B3GNT9: variants seen among roughly 807,000 people sequenced by gnomAD.
The protein encoded by B3GNT9 is UDP-GlcNAc:betaGal beta-1,3-N-acetylglucosaminyltransferase 9, also known as BGnT-9.
For synonymous variants in B3GNT9, 359 were observed against 283.9 expected (o/e 1.26, Z -2.66); for missense variants, 669 against 599.2 (o/e 1.12, Z -1.22).
chr16:67,149,433 G>A lies in B3GNT9; in HGVS notation c.1053C>T (p.Ser351=), dbSNP rs1003996201. 1.2e-6 allele frequency: 2 copies of A among 1,605,552 alleles called. No homozygotes were observed. Among genetic ancestry groups the A allele is most frequent in the Non-Finnish European group, 8.5e-7 (1 of 1,176,046 alleles). The change falls in exon 2 of 2, where the codon AGC becomes AGT. Residue 351 remains serine (S), a synonymous_variant. Coordinates refer to ENST00000449549, the MANE Select transcript of B3GNT9 (RefSeq NM_033309.3). ...IPQPSAAPHL[S]TFDPCFYREL... Reference sequence around the variant, plus strand: ...CACGGTAAAAGCAGGGGTCGAAGGTGCTCAAATGCGGCGCGGCTGAAGGCT... The same window carrying A: ...CACGGTAAAAGCAGGGGTCGAAGGTACTCAAATGCGGCGCGGCTGAAGGCT...
chr16:67,149,211 G>T lies in B3GNT9; in HGVS notation c.*66C>A. 6.7e-7 allele frequency: 1 copy of T among 1,493,762 alleles called. No individual in the cohort carries two copies. Among genetic ancestry groups the T allele is most frequent in the South Asian group, 1.4e-5 (1 of 71,230 alleles). The allele number at this position is 1,493,762 out of a possible 1,614,324, so 92.5% of individuals were successfully genotyped here. On this transcript the variant is annotated 3_prime_UTR_variant, in exon 2 of 2. Coordinates refer to ENST00000449549, the MANE Select transcript of B3GNT9 (RefSeq NM_033309.3). Reference sequence around the variant, plus strand: ...GTGATCAGGGAAGAACCACATACACGGCAATAATCTGGGAAACCGGCTCCA... The same window carrying T: ...GTGATCAGGGAAGAACCACATACACTGCAATAATCTGGGAAACCGGCTCCA...
Position 67,150,689 on chromosome 16 carries a change from T to C in B3GNT9, c.-186-18A>G. 2 of 409,520 alleles carry C rather than the reference T, an allele frequency of 4.9e-6. No individual in the cohort carries two copies. Among genetic ancestry groups the C allele is most frequent in the Middle Eastern group, 6.3e-4 (1 of 1,586 alleles). The allele number at this position is 409,520 out of a possible 1,614,324, so 25.4% of individuals were successfully genotyped here. On this transcript the variant is annotated intron_variant, in intron 1 of 1. Transcript: ENST00000449549. ...CCGGCAGCCTGAAGGGACAAGAAGT[T>C]CACCCATGTAGCCAACTCCCCCGCG...
Position 67,150,299 on chromosome 16 carries a change from C to T in B3GNT9, c.187G>A (p.Ala63Thr). Residue 63 changes from alanine to threonine, a missense_variant, in exon 2 of 2, where the codon GCA becomes ACA. Coordinates refer to ENST00000449549, the MANE Select transcript of B3GNT9 (RefSeq NM_033309.3). ...TCCCCTTCGTAGGCCGGCGGGGCTG[C>T]ACCCGCGTCGGGTAACTGGAACGCG... ...PRAFQLPDAG[A>T]APPAYEGDTP... The T allele has an allele frequency of 7.0e-7, 1 of 1,423,880 alleles. No homozygotes were observed. The highest frequency in any genetic ancestry group is 1.6e-5 in the South Asian group (1 of 62,334). The allele number at this position is 1,423,880 out of a possible 1,614,324, so 88.2% of individuals were successfully genotyped here. A position where few individuals can be genotyped will look rare whatever the true frequency, so the allele number is the denominator to read the frequency against.
At position 67,150,059 on chromosome 16, in the gene B3GNT9, C is replaced by T. The variant is rs368467078; in HGVS notation, c.427G>A (p.Gly143Ser). ...QAVRQTWGAE[G>S]RVQGALVRRV... Reference sequence around the variant, plus strand: ...CGCACCAGCGCCCCCTGCACGCGACCCTCCGCGCCCCACGTCTGGCGCACG... The same window carrying T: ...CGCACCAGCGCCCCCTGCACGCGACTCTCCGCGCCCCACGTCTGGCGCACG... The change falls in exon 2 of 2, where the codon GGT becomes AGT. Residue 143 changes from glycine (G) to serine (S), a missense_variant. By Grantham distance (56) the Gly-to-Ser change is moderately conservative (BLOSUM62 0). Coordinates refer to ENST00000449549, the MANE Select transcript of B3GNT9 (RefSeq NM_033309.3). 40 of 1,477,748 alleles carry T rather than the reference C, an allele frequency of 2.7e-5. No homozygotes were observed. The East Asian group carries it at 7.9e-4, about 29-fold the overall frequency. The allele number at this position is 1,477,748 out of a possible 1,614,324, so 91.5% of individuals were successfully genotyped here. A position where few individuals can be genotyped will look rare whatever the true frequency, so the allele number is the denominator to read the frequency against.
At position 67,149,390 on chromosome 16, in the gene B3GNT9, C is replaced by T. The variant is rs769037531; in HGVS notation, c.1096G>A (p.Gly366Arg). 2.5e-6 allele frequency: 4 copies of T among 1,602,662 alleles called. 1 individual carries two copies. In the Admixed American group the frequency reaches 5.2e-5, roughly 21 times the overall value. Residue 366 changes from glycine (G) to arginine (R), a missense_variant, in exon 2 of 2, where the codon GGG becomes AGG. Physicochemically the swap from Gly to Arg is moderately radical, Grantham distance 125. Transcript: ENST00000449549. ...AGCCAGATGTCAGCGGCCGAGAGCC[C>T]GTGCACTACAACCAGCTCACGGTAA... ...CFYRELVVVH[G>R]LSAADIWLMW...
In B3GNT9 at chr16:67,150,159, G is replaced by T. The variant is rs759711988; in HGVS notation, c.327C>A (p.Asp109Glu). ...GGTCCGGGCGGCCACCGGGTGCGCC[G>T]TCGCCGCGGCACTTGTGCGGCTGGT... The part of the protein sequence containing the change: ...LINQPHKCRG[D>E]GAPGGRPDLL... Residue 109 changes from aspartate to glutamate, a missense_variant, in exon 2 of 2, where the codon GAC becomes GAA. By Grantham distance (45) the Asp-to-Glu change is conservative. Transcript: ENST00000449549. The T allele has an allele frequency of 6.5e-7, 1 of 1,540,962 alleles. No homozygotes were observed. The highest frequency in any genetic ancestry group is 2.6e-5 in the East Asian group (1 of 38,388).
chr16:67,150,650 TCG>T lies in B3GNT9; in HGVS notation c.-167_-166del. The T allele has an allele frequency of 2.0e-6, 1 of 503,890 alleles. No homozygotes were observed. The highest frequency in any genetic ancestry group is 5.6e-4 in the Middle Eastern group (1 of 1,798). The allele number at this position is 503,890 out of a possible 1,614,324, so 31.2% of individuals were successfully genotyped here. ...CGTTGTTCTCCTCCTCCCGGCCGTGTCGCACCGCCGGGACCGGCAGCCTGAAG... is the reference window on the plus strand; with the variant it reads ...CGTTGTTCTCCTCCTCCCGGCCGTGTCACCGCCGGGACCGGCAGCCTGAAG... On this transcript the variant is annotated 5_prime_UTR_variant, in exon 2 of 2. Transcript: ENST00000449549.
chr16:67,150,118 T>C lies in B3GNT9; in HGVS notation c.368A>G (p.Lys123Arg). ...GGRPDLLIAV[K>R]SVAEDFERRQ... The stretch of plus-strand genomic sequence containing the variant: ...CCGCTCGAAGTCCTCTGCCACCGAC[T>C]TGACAGCAATAAGCAGGTCCGGGCG... Residue 123 changes from lysine to arginine, a missense_variant, in exon 2 of 2, where the codon AAG (lysine) becomes AGG (arginine). By Grantham distance (26) the Lys-to-Arg change is conservative. Coordinates refer to ENST00000449549, the MANE Select transcript of B3GNT9 (RefSeq NM_033309.3). The C allele has an allele frequency of 2.0e-6, 3 of 1,493,208 alleles. No homozygotes were observed. The highest frequency in any genetic ancestry group is 2.7e-6 in the Non-Finnish European group (3 of 1,123,398). The allele number at this position is 1,493,208 out of a possible 1,614,324, so 92.5% of individuals were successfully genotyped here. A position where few individuals can be genotyped will look rare whatever the true frequency, so the allele number is the denominator to read the frequency against.
Position 67,149,460 on chromosome 16 carries a change from G to T in B3GNT9, c.1026C>A (p.Pro342=). The T allele has an allele frequency of 6.2e-7, 1 of 1,608,014 alleles. No individual in the cohort carries two copies. The highest frequency in any genetic ancestry group is 8.5e-7 in the Non-Finnish European group (1 of 1,177,224). ...TCAAATGCGGCGCGGCTGAAGGCTG[G>T]GGGATGCCAAAGGTGCGGAAGGCAG... The part of the protein sequence containing the change: ...PHPAFRTFGI[P]QPSAAPHLST... The change falls in exon 2 of 2, where the codon CCC becomes CCA. Residue 342 remains proline (P), a synonymous_variant. Coordinates refer to ENST00000449549, the MANE Select transcript of B3GNT9 (RefSeq NM_033309.3).
chr16:67,149,730 C>T lies in B3GNT9; in HGVS notation c.756G>A (p.Leu252=). ...FLAPRDPAQD[L]LAGDVIVHAR... ...CATGCACAATTACGTCACCAGCAAGCAGGTCTTGCGCCGGGTCCCGCGGCG... is the reference window on the plus strand; with the variant it reads ...CATGCACAATTACGTCACCAGCAAGTAGGTCTTGCGCCGGGTCCCGCGGCG... Residue 252 remains leucine (L), a synonymous_variant, in exon 2 of 2, where the codon CTG becomes CTA. Transcript: ENST00000449549. 1 of 1,613,664 alleles carries T rather than the reference C, an allele frequency of 6.2e-7. No homozygotes were observed. Among genetic ancestry groups the T allele is most frequent in the Non-Finnish European group, 8.5e-7 (1 of 1,179,810 alleles).
chr16:67,148,169 G>GT lies in B3GNT9; in HGVS notation c.*1107dup, dbSNP rs1318843615. 2 of 152,664 alleles carry GT rather than the reference G, an allele frequency of 1.3e-5. No homozygotes were observed. The highest frequency in any genetic ancestry group is 4.8e-5 in the African/African-American group (2 of 41,446). 9.5% of individuals were successfully genotyped at this position (152,664 alleles called of 1,614,324 possible). The stretch of plus-strand genomic sequence containing the variant: ...TGATACATAGATGACAATTTTGTGA[G>GT]TTTTTCAAATGTGTGTACAGATTTT... On this transcript the variant is annotated 3_prime_UTR_variant, in exon 2 of 2. Transcript: ENST00000449549.
rs749602758 is a variant in B3GNT9 at position 67,149,488 on chromosome 16, T to C, written c.998A>G (p.His333Arg). 1 of 1,608,526 alleles carries C rather than the reference T, an allele frequency of 6.2e-7. No individual in the cohort carries two copies. The highest frequency in any genetic ancestry group is 2.2e-5 in the East Asian group (1 of 44,588). The change falls in exon 2 of 2, where the codon CAC becomes CGC. Residue 333 changes from histidine (H) to arginine (R), a missense_variant. Physicochemically the swap from His to Arg is conservative, Grantham distance 29. Transcript: ENST00000449549. ...LQRLRLTPEP[H>R]PAFRTFGIPQ... ...GATGCCAAAGGTGCGGAAGGCAGGG[T>C]GAGGCTCGGGCGTGAGCCGCAGGCG...
rs775137864 is a variant in B3GNT9, at chr16:67,149,838, T to C, written c.648A>G (p.Ser216=). ...LKEIHFLAWA[S]AFCPDVRFVF... is the part of the protein sequence containing the mutation. ...CGAAGCGCACGTCGGGGCAGAAAGC[T>C]GAGGCCCAGGCTAGAAAGTGGATCT... Residue 216 remains serine, a synonymous_variant, in exon 2 of 2, where the codon TCA becomes TCG. Transcript: ENST00000449549. 2 of 1,613,624 alleles carry C rather than the reference T, an allele frequency of 1.2e-6. No individual in the cohort carries two copies. Among genetic ancestry groups the C allele is most frequent in the African/African-American group, 2.7e-5 (2 of 74,924 alleles).
rs757244350 is a variant in B3GNT9 at position 67,149,670 on chromosome 16, G to T, written c.816C>A (p.Tyr272Ter). ...GCAGGCCGTACACGGCCTCGGGGAT[G>T]TAGTACTTGCTAGCCCGCGTGCGGA... Reference protein sequence around the residue: ...RPIRTRASKYYIPEAVYGLPA... With the variant: ...RPIRTRASKY The change falls in exon 2 of 2, where the codon TAC (tyrosine) becomes TAA (stop). Residue 272 changes from tyrosine (Y) to a stop codon, truncating the protein, a stop_gained. Transcript: ENST00000449549. LOFTEE classifies it low-confidence loss of function (END_TRUNC). 6.2e-7 allele frequency: 1 copy of T among 1,608,576 alleles called. No homozygotes were observed. Among genetic ancestry groups the T allele is most frequent in the Non-Finnish European group, 8.5e-7 (1 of 1,177,554 alleles).
rs2030438148 is a variant in B3GNT9, at chr16:67,150,487, T to G, written c.-2A>C. On this transcript the variant is annotated 5_prime_UTR_variant, in exon 2 of 2. Coordinates refer to ENST00000449549, the MANE Select transcript of B3GNT9 (RefSeq NM_033309.3). ...GCGTAGGCGCAGCCTCCTCCTCATC[T>G]CCGCGCGGCCTGCGCCCTCCCTCCC... 1 of 1,302,770 alleles carries G rather than the reference T, an allele frequency of 7.7e-7. No homozygotes were observed. Among genetic ancestry groups the G allele is most frequent in the South Asian group, 2.5e-5 (1 of 40,096 alleles). The allele number at this position is 1,302,770 out of a possible 1,614,324, so 80.7% of individuals were successfully genotyped here. A position where few individuals can be genotyped will look rare whatever the true frequency, so the allele number is the denominator to read the frequency against.
chr16:67,150,002 C>T lies in B3GNT9; in HGVS notation c.484G>A (p.Ala162Thr), dbSNP rs559466848. 1.3e-6 allele frequency: 2 copies of T among 1,529,156 alleles called. No individual in the cohort carries two copies. The highest frequency in any genetic ancestry group is 2.5e-5 in the East Asian group (1 of 40,560). The allele number at this position is 1,529,156 out of a possible 1,614,324, so 94.7% of individuals were successfully genotyped here. The change falls in exon 2 of 2, where the codon GCA (alanine) becomes ACA (threonine). Residue 162 changes from alanine (A) to threonine (T), a missense_variant. Physicochemically the swap from Ala to Thr is moderately conservative, Grantham distance 58. Coordinates refer to ENST00000449549, the MANE Select transcript of B3GNT9 (RefSeq NM_033309.3). ...ACTTCGTCGGCCCCGCCCGAGCCTG[C>T]GCCCCTGGGCACGCCCAGCAAGAAC... ...RVFLLGVPRG[A>T]GSGGADEVGE...
Position 67,149,795 on chromosome 16 carries a change from C to G in B3GNT9, c.691G>C (p.Asp231His). 1 of 1,613,916 alleles carries G rather than the reference C, an allele frequency of 6.2e-7. No individual in the cohort carries two copies. The highest frequency in any genetic ancestry group is 8.5e-7 in the Non-Finnish European group (1 of 1,179,822). ...DVRFVFKGDADVFVNVGNLLE... is the reference protein window; with the variant it reads ...DVRFVFKGDAHVFVNVGNLLE... ...AGATTTCCCACGTTCACGAACACAT[C>G]TGCGTCGCCCTTAAAAACGAAGCGC... The change falls in exon 2 of 2, where the codon GAT becomes CAT. Residue 231 changes from aspartate (D) to histidine (H), a missense_variant. By Grantham distance (81) the Asp-to-His change is moderately conservative. Coordinates refer to ENST00000449549, the MANE Select transcript of B3GNT9 (RefSeq NM_033309.3).
chr16:67,150,131 G>C lies in B3GNT9; in HGVS notation c.355C>G (p.Leu119Val). 1 of 1,514,582 alleles carries C rather than the reference G, an allele frequency of 6.6e-7. No individual in the cohort carries two copies. The highest frequency in any genetic ancestry group is 8.8e-7 in the Non-Finnish European group (1 of 1,133,442). The allele number at this position is 1,514,582 out of a possible 1,614,324, so 93.8% of individuals were successfully genotyped here. ...TCTGCCACCGACTTGACAGCAATAAGCAGGTCCGGGCGGCCACCGGGTGCG... is the reference window on the plus strand; with the variant it reads ...TCTGCCACCGACTTGACAGCAATAACCAGGTCCGGGCGGCCACCGGGTGCG... ...DGAPGGRPDL[L>V]IAVKSVAEDF... The change falls in exon 2 of 2, where the codon CTT becomes GTT. Residue 119 changes from leucine (L) to valine (V), a missense_variant. Physicochemically the swap from Leu to Val is conservative, Grantham distance 32. Transcript: ENST00000449549.
rs980357217 is a variant in B3GNT9 at position 67,150,567 on chromosome 16, A to G, written c.-82T>C. On this transcript the variant is annotated 5_prime_UTR_variant, in exon 2 of 2. Coordinates refer to ENST00000449549, the MANE Select transcript of B3GNT9 (RefSeq NM_033309.3). ...CAGCGAGCCCCGCCCTCCCCAGCTG[A>G]GGGGGCGGGAGGCCACGCCCCGGGG... The G allele has an allele frequency of 1.1e-4, 129 of 1,154,300 alleles. 1 individual carries two copies. The highest frequency in any genetic ancestry group is 1.3e-4 in the Non-Finnish European group (117 of 915,744). The allele number at this position is 1,154,300 out of a possible 1,614,324, so 71.5% of individuals were successfully genotyped here. A position where few individuals can be genotyped will look rare whatever the true frequency, so the allele number is the denominator to read the frequency against.
Sources: gnomAD v4.1 joint callset for allele counts on GRCh38, gnomAD v4.1.1 for gene constraint, MANE v1.5 for transcripts, NCBI Gene and HGNC (gene_info 2026-07-23, HGNC 2026-07-21) for gene names.